NLGN1: variants seen among roughly 807,000 people sequenced by gnomAD.
NLGN1 encodes neuroligin-1.
Under a neutral mutation model 65.5 loss-of-function variants are expected in NLGN1, and 12 were observed. The observed-to-expected ratio is 0.18, with a 90% CI of 0.12 to 0.30. The LOEUF is 0.30. Among genes scored for constraint, NLGN1 ranks in the 10% least tolerant of loss-of-function variants. The probability of loss-of-function intolerance (pLI) is 1.00; values close to 1 mark genes in which losing one functional copy is unlikely to be tolerated. For missense variants in NLGN1, 750 were observed against 1,007.1 expected, an observed-to-expected ratio of 0.74 and a Z score of 3.46; for synonymous variants, 350 against 359.5, an observed-to-expected ratio of 0.97 and a Z score of 0.30.
At chr3:174,212,416 T>A (rs1736862267) in intron 4 of NLGN1, among the ~76,000 whole-genome samples, 1 of 152,180 alleles carries the variant, frequency 6.6e-6, no homozygotes, top group South Asian at 2.1e-4. Flanking sequence ...AGAAAGGGGC[T>A]CCCACAGTGC....
At chr3:173,928,664 C>G (rs899529445) in intron 4 of NLGN1, among the ~76,000 whole-genome samples, 5 of 148,200 alleles carry the variant, frequency 3.4e-5, no homozygotes, top group African/African-American at 1.3e-4. Context: ...ATAGATTAGA[C>G]ATAGTTAATT....
chr3:173,988,951 C>G (rs1720522265), intron 4 of NLGN1, among the ~76,000 whole-genome samples: 2 of 152,126 alleles, frequency 1.3e-5, no homozygotes, highest in Admixed American at 6.6e-5. Context: ...GACCAATCCA[C>G]TTTTGTTTTA....
At chr3:173,654,183 G>A (rs1435125014) in intron 3 of NLGN1, among the ~76,000 whole-genome samples, 1 of 151,846 alleles carries the variant, frequency 6.6e-6, no homozygotes, top group African/African-American at 2.4e-5. Context: ...AAAACTGGAT[G>A]GATAATTTTT....
At position 173,495,777 on chromosome 3, in the gene NLGN1, C is replaced by T. The variant is rs543963232; in HGVS notation, c.-321+60699C>T. Among the ~76,000 whole-genome samples, 4 of 148,940 alleles carry T rather than the reference C, an allele frequency of 2.7e-5. No homozygotes were observed. The South Asian group carries it at 6.5e-4, about 24-fold the overall frequency. ...CATAATCAAGATACAGTATATTAAA[C>T]ATCTCCACAAATTTCTCTTGTACCC... On this transcript the variant is annotated intron_variant, in intron 2 of 6. Transcript: ENST00000457714.
chr3:174,121,349 T>G (rs1717735663), intron 4 of NLGN1, among the ~76,000 whole-genome samples: 1 of 152,212 alleles, frequency 6.6e-6, no homozygotes, highest in African/African-American at 2.4e-5. Context: ...TACAGCAGCA[T>G]TTTATTTTGA....
At chr3:173,546,649 T>G (rs1422621584) in intron 2 of NLGN1, among the ~76,000 whole-genome samples, 1 of 152,202 alleles carries the variant, frequency 6.6e-6, no homozygotes, top group Non-Finnish European at 1.5e-5. Flanking sequence ...ATATTTCCTC[T>G]GTCTGTTATG....
intron 3 of NLGN1, among the ~76,000 whole-genome samples, chr3:173,764,712 G>C (rs965380777): frequency 1.3e-5 from 2 of 152,090 alleles, no homozygotes; most frequent in Non-Finnish European, 2.9e-5. Flanking sequence ...GTAGTAGAAT[G>C]AAAGGATTTC....
intron 3 of NLGN1, among the ~76,000 whole-genome samples, chr3:173,733,207 A>G (rs1474631267): frequency 1.3e-5 from 2 of 152,142 alleles, no homozygotes; most frequent in East Asian, 3.9e-4. Flanking sequence ...GTGAGTGGGA[A>G]GATCCAATTT....
At position 173,723,294 on chromosome 3, in the gene NLGN1, A is replaced by G. The variant is rs1184215102; in HGVS notation, c.494-84386A>G. Among the ~76,000 whole-genome samples, 3 of 152,228 alleles carry G rather than the reference A, an allele frequency of 2.0e-5. No individual in the cohort carries two copies. In the East Asian group the frequency reaches 5.8e-4, roughly 29 times the overall value. ...TAAAACATTTTTCATTGTTAGCTTC[A>G]TCATTATTTTATGTGTAACTAAGGA... On this transcript the variant is annotated intron_variant, in intron 3 of 6. Coordinates refer to ENST00000457714, the Ensembl canonical transcript of NLGN1.
intron 3 of NLGN1, among the ~76,000 whole-genome samples, chr3:173,675,899 A>T (rs1024713233): frequency 8.8e-5 from 12 of 135,816 alleles, no homozygotes; most frequent in Admixed American, 3.6e-4. Context: ...ACACACACAC[A>T]CACACACACA....
At chr3:173,622,914 T>G (rs1754232235) in intron 3 of NLGN1, among the ~76,000 whole-genome samples, 1 of 152,088 alleles carries the variant, frequency 6.6e-6, no homozygotes, top group Non-Finnish European at 1.5e-5. Context: ...CAATAACAAA[T>G]GTAGGCCTTG....
intron 2 of NLGN1, among the ~76,000 whole-genome samples, chr3:173,522,205 A>G (rs762199110): frequency 1.3e-4 from 20 of 152,182 alleles, no homozygotes; most frequent in Non-Finnish European, 2.6e-4. Context: ...TGCGTTATAC[A>G]TTGATTCTTT....
intron 4 of NLGN1, among the ~76,000 whole-genome samples, chr3:173,912,799 T>C (rs1168338843): frequency 6.6e-6 from 1 of 152,190 alleles, no homozygotes; most frequent in Admixed American, 6.6e-5. Context: ...TATAATATTC[T>C]ATCACTGTAT....
chr3:174,098,821 G>A (rs544921889), intron 4 of NLGN1, among the ~76,000 whole-genome samples: 144 of 152,264 alleles, frequency 9.5e-4, no homozygotes, highest in African/African-American at 3.4e-3. Flanking sequence ...TTAAATAACT[G>A]AATATAAAGC....
chr3:173,672,172 T>A (rs530259471), intron 3 of NLGN1, among the ~76,000 whole-genome samples: 2 of 152,254 alleles, frequency 1.3e-5, no homozygotes, highest in South Asian at 4.1e-4. Context: ...AGACTCCGTC[T>A]CAAAAATAAT....
intron 2 of NLGN1, among the ~76,000 whole-genome samples, chr3:173,547,635 T>C (rs1740109170): frequency 6.6e-6 from 1 of 152,166 alleles, no homozygotes; most frequent in South Asian, 2.1e-4. Context: ...TAAACATAAG[T>C]TCTTCTCTTC....
At chr3:173,806,364 T>C (rs1716644707) in intron 3 of NLGN1, among the ~76,000 whole-genome samples, 1 of 152,176 alleles carries the variant, frequency 6.6e-6, no homozygotes, top group Non-Finnish European at 1.5e-5. Flanking sequence ...TAAATTTGTA[T>C]TCTGTTAGTC....
chr3:173,796,388 C>A (rs1714074780), intron 3 of NLGN1, among the ~76,000 whole-genome samples: 1 of 152,098 alleles, frequency 6.6e-6, no homozygotes, highest in African/African-American at 2.4e-5. Context: ...CGTCCTTTAC[C>A]AGAACCCATA....
chr3:173,433,855 G>T (rs1197025005), intron 1 of NLGN1, among the ~76,000 whole-genome samples: 3 of 152,214 alleles, frequency 2.0e-5, no homozygotes, highest in South Asian at 2.1e-4. Flanking sequence ...TATATAATTA[G>T]TATTTATGGG....
Sources: allele counts gnomAD v4.1 joint callset (sites outside exome capture counted in the v4.1 genomes callset), GRCh38; gene constraint gnomAD v4.1.1; transcripts MANE v1.5; gene names NCBI Gene and HGNC (gene_info 2026-07-23, HGNC 2026-07-21).